The following SSU72 variants were observed in gnomAD, a reference collection of about 807,000 sequenced individuals.
The protein encoded by SSU72 is RNA polymerase II subunit A C-terminal domain phosphatase SSU72.
Under a neutral mutation model 22.7 loss-of-function variants are expected in SSU72, and 12 were observed. The ratio of observed to expected loss-of-function variants is 0.53; its 90% CI spans 0.34 to 0.86. The LOEUF is 0.86. Among genes scored for constraint, SSU72 ranks in the 40% least tolerant of loss-of-function variants. The probability of loss-of-function intolerance (pLI) is 0.02; values close to 1 mark genes in which losing one functional copy is unlikely to be tolerated. For synonymous variants in SSU72, 116 were observed against 98.3 expected (o/e 1.18, Z -1.06); for missense variants, 151 against 249.8 (o/e 0.60, Z 2.67).
intron 2 of SSU72, chr1:1,562,708 G>C (rs1642609735): frequency 6.6e-6 from 1 of 152,358 alleles, no homozygotes; most frequent in Non-Finnish European, 1.5e-5. Flanking sequence ...TGTCGGGAGG[G>C]CCTCCTTTCC....
intron 3 of SSU72, 46 bp from the exon 4 acceptor site, chr1:1,544,033 G>T: frequency 6.8e-7 from 1 of 1,472,622 alleles, no homozygotes. Flanking sequence ...CCAAAACCAG[G>T]GAACAGGCAG....
intron 1 of SSU72, among the ~76,000 whole-genome samples, chr1:1,566,880 T>C (rs1570398724): frequency 6.6e-6 from 1 of 150,576 alleles, no homozygotes; most frequent in African/African-American, 2.4e-5. Flanking sequence ...TTACTGAATG[T>C]TGAATGAGTA....
chr1:1,560,560 G>A (rs1370755543), intron 2 of SSU72, among the ~76,000 whole-genome samples: 1 of 152,190 alleles, frequency 6.6e-6, no homozygotes, highest in Non-Finnish European at 1.5e-5. Flanking sequence ...CTGGCTTGTG[G>A]GGGAAAAGAC....
In SSU72 at chr1:1,574,536, C is replaced by T. The variant is rs2100727419; in HGVS notation, c.22G>A (p.Val8Met). 6.3e-7 allele frequency: 1 copy of T among 1,589,940 alleles called. No homozygotes were observed. The highest frequency in any genetic ancestry group is 8.5e-7 in the Non-Finnish European group (1 of 1,170,746). Residue 8 changes from valine (V) to methionine (M), a missense_variant, in exon 1 of 5, where the codon GTG (valine) becomes ATG (methionine). Transcript: ENST00000291386. MPSSPLR[V>M]AVVCSSNQNR... ...TGGTTGCTCGAGCACACCACCGCCA[C>T]CCGCAGCGGGGACGACGGCATGGCG...
chr1:1,572,691 T>C (rs1642746060), intron 1 of SSU72, among the ~76,000 whole-genome samples: 1 of 151,106 alleles, frequency 6.6e-6, no homozygotes, highest in Admixed American at 6.6e-5. Context: ...TCTCCTGACT[T>C]TGTGATCCGC....
chr1:1,573,362 A>G (rs114925670), intron 1 of SSU72, among the ~76,000 whole-genome samples: 11,706 of 150,878 alleles, frequency 0.078, 679 homozygotes, highest in Admixed American at 0.18. Context: ...CTCGGGAGGC[A>G]CAAGTTGCAG....
chr1:1,547,979 G>C (rs1642411951), intron 2 of SSU72, among the ~76,000 whole-genome samples: 1 of 152,228 alleles, frequency 6.6e-6, no homozygotes, highest in Non-Finnish European at 1.5e-5. Flanking sequence ...CGGGCAAGAA[G>C]GCGACACCAG....
intron 2 of SSU72, among the ~76,000 whole-genome samples, chr1:1,558,996 A>G (rs1642552719): frequency 6.6e-6 from 1 of 152,218 alleles, no homozygotes; most frequent in Non-Finnish European, 1.5e-5. Flanking sequence ...TCAACTATGG[A>G]AAGTGGCTTC....
At chr1:1,546,108 G>C (rs1194940639) in intron 2 of SSU72, 4 of 152,258 alleles carry the variant, frequency 2.6e-5, no homozygotes, top group Admixed American at 6.5e-5. Context: ...TCCCCAAAAA[G>C]AGAGACTGGG....
intron 1 of SSU72, among the ~76,000 whole-genome samples, chr1:1,568,305 T>C (rs867410602): frequency 4.6e-5 from 7 of 152,278 alleles, no homozygotes; most frequent in Non-Finnish European, 7.3e-5. Flanking sequence ...CAACTGTCTT[T>C]ACAAGTACCA....
At position 1,554,244 on chromosome 1, in the gene SSU72, G is replaced by C. The variant is rs1182270603; in HGVS notation, c.225-9242C>G. On this transcript the variant is annotated intron_variant, in intron 2 of 4. Coordinates refer to ENST00000291386, the MANE Select transcript of SSU72 (RefSeq NM_014188.3). The surrounding 1 kb of genome is among the most constrained non-coding windows in gnomAD (Gnocchi z 4.1). Reference sequence around the variant, plus strand: ...GGGGTCCCCACGAAGCTGAGCATGAGGCGGACCCGGACCACTCGGGGGCCC... The same window carrying C: ...GGGGTCCCCACGAAGCTGAGCATGACGCGGACCCGGACCACTCGGGGGCCC... 6.9e-6 allele frequency among the ~76,000 whole-genome samples: 1 copy of C among 145,522 alleles called. No homozygotes were observed. Among genetic ancestry groups the C allele is most frequent in the Middle Eastern group, 3.2e-3 (1 of 314 alleles).
rs1295924105 is a variant in SSU72 at position 1,574,819 on chromosome 1, T to C, written c.-262A>G. The C allele has an allele frequency of 8.8e-6, 2 of 227,792 alleles. No individual in the cohort carries two copies. The highest frequency in any genetic ancestry group is 1.8e-5 in the Non-Finnish European group (2 of 113,670). 14.1% of individuals were successfully genotyped at this position (227,792 alleles called of 1,614,324 possible). A position where few individuals can be genotyped will look rare whatever the true frequency, so the allele number is the denominator to read the frequency against. On this transcript the variant is annotated 5_prime_UTR_variant, in exon 1 of 5. Transcript: ENST00000291386. The stretch of plus-strand genomic sequence containing the variant: ...GCCAACGCCGCGCCGGCCCCCGGCG[T>C]CCGCAGCAGAGACCCGCACTCCACA...
chr1:1,542,241 G>A lies in SSU72; in HGVS notation c.484-74C>T. 3 of 1,426,686 alleles carry A rather than the reference G, an allele frequency of 2.1e-6. No homozygotes were observed. The highest frequency in any genetic ancestry group is 4.0e-5 in the Admixed American group (2 of 50,614). The allele number at this position is 1,426,686 out of a possible 1,614,324, so 88.4% of individuals were successfully genotyped here. ...GCTCCCCCTAACACCTGGATCGCCA[G>A]GGAAACGCCAGGCCTGAGCCAGCAG... On this transcript the variant is annotated intron_variant, in intron 4 of 4. Transcript: ENST00000291386. The surrounding 1 kb of genome is among the most constrained non-coding windows in gnomAD (Gnocchi z 4.4).
At chr1:1,563,184 GCCACTCC>G (rs1427681823) in intron 2 of SSU72, 1 of 152,210 alleles carries the variant, frequency 6.6e-6, no homozygotes, top group Non-Finnish European at 1.5e-5. Context: ...ACTTTCAGGG[GCCACTCC>G]TGGCTACCTA....
chr1:1,543,702 A>G lies in SSU72; in HGVS notation c.483+167T>C. Reference sequence around the variant, plus strand: ...ACTGTCACGGCCTCGGCCACTCCCCACTGTCACGGCCTCGGCCACTCCCCT... The same window carrying G: ...ACTGTCACGGCCTCGGCCACTCCCCGCTGTCACGGCCTCGGCCACTCCCCT... On this transcript the variant is annotated intron_variant, in intron 4 of 4. Transcript: ENST00000291386. 4 of 203,224 alleles carry G rather than the reference A, an allele frequency of 2.0e-5. No individual in the cohort carries two copies. The South Asian group carries it at 4.1e-4, about 21-fold the overall frequency. 12.6% of individuals were successfully genotyped at this position (203,224 alleles called of 1,614,324 possible). A position where few individuals can be genotyped will look rare whatever the true frequency, so the allele number is the denominator to read the frequency against.
chr1:1,567,247 AG>A lies in SSU72; in HGVS notation c.81-2332del, dbSNP rs1642673289. ...CACACGTCACCCACACACACAGAGAAGATGTGCTCATCTAGTGTACGTGAAA... is the reference window on the plus strand; with the variant it reads ...CACACGTCACCCACACACACAGAGAAATGTGCTCATCTAGTGTACGTGAAA... On this transcript the variant is annotated intron_variant, in intron 1 of 4. Transcript: ENST00000291386. Among the ~76,000 whole-genome samples, 2 of 152,208 alleles carry A rather than the reference AG, an allele frequency of 1.3e-5. 1 individual carries two copies. The highest frequency in any genetic ancestry group is 4.1e-4 in the South Asian group (2 of 4,826).
intron 2 of SSU72, among the ~76,000 whole-genome samples, chr1:1,557,668 C>T (rs1394538594): frequency 1.3e-5 from 2 of 148,620 alleles, no homozygotes; most frequent in Admixed American, 6.7e-5. Flanking sequence ...GGTGGTACGC[C>T]GCACCTGTAA....
rs114129418 is a variant in SSU72 at position 1,548,741 on chromosome 1, G to A, written c.225-3739C>T. 9.1e-3 allele frequency among the ~76,000 whole-genome samples: 1,382 copies of A among 152,260 alleles called. 10 individuals are homozygous for A. The highest frequency in any genetic ancestry group is 0.014 in the Non-Finnish European group (920 of 68,004). ...TCACCCACTCTGCGTCCTCCCACTC[G>A]CCCCCGGAGGCCTTCTGGACTTTGG... On this transcript the variant is annotated intron_variant, in intron 2 of 4. Transcript: ENST00000291386.
chr1:1,552,968 C>G (rs375653568), intron 2 of SSU72, among the ~76,000 whole-genome samples: 1 of 149,318 alleles, frequency 6.7e-6, no homozygotes, highest in Non-Finnish European at 1.5e-5. Flanking sequence ...TTGCAGTGAG[C>G]CGAGATTGCG....
Sources: gnomAD v4.1 joint callset for allele counts (sites outside exome capture counted in the v4.1 genomes callset) on GRCh38, gnomAD v4.1.1 for gene constraint, Gnocchi (gnomAD v3.1) non-coding constraint, MANE v1.5 for transcripts, NCBI Gene and HGNC (gene_info 2026-07-23, HGNC 2026-07-21) for gene names.